METTL4: variants seen among roughly 807,000 people sequenced by gnomAD.
The protein encoded by METTL4 is methyltransferase 4, N6-adenosine.
A neutral mutation model predicts 54.0 loss-of-function variants in METTL4; 40 were observed. That is an observed-to-expected ratio of 0.74 (90% CI 0.58 to 0.96). The LOEUF (loss-of-function observed/expected upper bound fraction) is 0.96. METTL4 is among the 50% of genes least tolerant of loss of function. METTL4 has a pLI of 0.00. For synonymous variants in METTL4, 169 were observed against 183.8 expected, an observed-to-expected ratio of 0.92 and a Z score of 0.65; for missense variants, 525 against 549.0, an observed-to-expected ratio of 0.96 and a Z score of 0.44.
In METTL4 at chr18:2,554,858, T is replaced by C. The variant is rs749376619; in HGVS notation, c.640A>G (p.Met214Val). Reference protein sequence around the residue: ...MAKHLPSLNEMEHQTLQLVEE... With the variant: ...MAKHLPSLNEVEHQTLQLVEE... ...ACCAATTGTAATGTCTGATGTTCCA[T>C]TTCATTCAGAGAAGGCAAATGCTTT... Residue 214 changes from methionine (M) to valine (V), a missense_variant, in exon 4 of 9, where the codon ATG (methionine) becomes GTG (valine). By Grantham distance (21) the Met-to-Val change is conservative (BLOSUM62 1). Coordinates refer to ENST00000574538, the MANE Select transcript of METTL4 (RefSeq NM_022840.5). 2.5e-6 allele frequency: 4 copies of C among 1,613,842 alleles called. No individual in the cohort carries two copies. The highest frequency in any genetic ancestry group is 1.7e-5 in the Admixed American group (1 of 59,996).
intron 6 of METTL4, among the ~76,000 whole-genome samples, chr18:2,545,076 G>A (rs1355738045): frequency 6.6e-6 from 1 of 152,046 alleles, no homozygotes; most frequent in Non-Finnish European, 1.5e-5. Context: ...AATCCAAAGT[G>A]TATTTTATAC....
At chr18:2,542,767 T>A (rs1221998449) in intron 8 of METTL4, among the ~76,000 whole-genome samples, 1 of 152,176 alleles carries the variant, frequency 6.6e-6, no homozygotes, top group Non-Finnish European at 1.5e-5. Context: ...CTGAGAATCC[T>A]TCTTAGTCAA....
Position 2,554,958 on chromosome 18 carries a change from T to A in METTL4, c.540A>T (p.Glu180Asp). 1 of 1,614,106 alleles carries A rather than the reference T, an allele frequency of 6.2e-7. No individual in the cohort carries two copies. The highest frequency in any genetic ancestry group is 8.5e-7 in the Non-Finnish European group (1 of 1,179,950). ...LKSGFLYPLFEKQDKGSKPIT... is the reference protein window; with the variant it reads ...LKSGFLYPLFDKQDKGSKPIT... ...TGGGCTTACTACCCTTGTCCTGTTT[T>A]TCAAAAAGTGGATAAAGAAAACCAC... Residue 180 changes from glutamate (E) to aspartate (D), a missense_variant, in exon 4 of 9, where the codon GAA (glutamate) becomes GAT (aspartate). Glu to Asp is a conservative substitution (Grantham distance 45). Coordinates refer to ENST00000574538, the MANE Select transcript of METTL4 (RefSeq NM_022840.5).
At position 2,544,253 on chromosome 18, in the gene METTL4, G is replaced by A. The variant is rs771656158; in HGVS notation, c.1215C>T (p.Asp405=). 6.2e-7 allele frequency: 1 copy of A among 1,613,336 alleles called. No individual in the cohort carries two copies. The highest frequency in any genetic ancestry group is 1.7e-5 in the Admixed American group (1 of 59,842). ...NADVNVLPIP[D]HKLIVSVPCT... The stretch of plus-strand genomic sequence containing the variant: ...AGGGCACGCTGACAATTAATTTGTG[G>A]TCTGGAATGGGGAGCACGTTTACAT... The change falls in exon 8 of 9, where the codon GAC becomes GAT. Residue 405 remains aspartate, a synonymous_variant. Transcript: ENST00000574538.
chr18:2,560,359 T>C lies in METTL4; in HGVS notation c.459+3438A>G, dbSNP rs1012808678. Among the ~76,000 whole-genome samples the C allele has an allele frequency of 5.3e-5, 8 of 152,262 alleles. 1 individual carries two copies. Among genetic ancestry groups the C allele is most frequent in the Middle Eastern group, 3.4e-3 (1 of 294 alleles). ...AAAGTGGGGGTTCTATCAAACTTTA[T>C]CAAACTTTTAAAGAACAAATTATCC... On this transcript the variant is annotated intron_variant, in intron 3 of 8. Coordinates refer to ENST00000574538, the MANE Select transcript of METTL4 (RefSeq NM_022840.5).
chr18:2,566,772 C>T, intron 2 of METTL4, 49 bp downstream of exon 2: 1 of 1,387,262 alleles, frequency 7.2e-7, no homozygotes, highest in Non-Finnish European at 9.6e-7. Flanking sequence ...GATAATAAAT[C>T]TCAATTATGT....
intron 8 of METTL4, chr18:2,540,145 A>G (rs1033701007): frequency 2.0e-6 from 2 of 985,026 alleles, no homozygotes; most frequent in African/African-American, 3.5e-5. Context: ...TAGGCTAAAG[A>G]GCTGTTGTCT....
At chr18:2,552,879 C>T (rs1043849811) in intron 4 of METTL4, 115 bp from the exon 5 acceptor site, 4 of 657,146 alleles carry the variant, frequency 6.1e-6, no homozygotes, top group African/African-American at 3.6e-5. Context: ...TAATGGAATG[C>T]ACCAAAGGGA....
chr18:2,561,196 C>T (rs181813219), intron 3 of METTL4: 2 of 152,218 alleles, frequency 1.3e-5, no homozygotes, highest in Admixed American at 1.3e-4. Flanking sequence ...TTATTATGCA[C>T]ACAAATATTC....
chr18:2,566,159 G>A (rs1246624894), intron 2 of METTL4, among the ~76,000 whole-genome samples: 2 of 151,720 alleles, frequency 1.3e-5, no homozygotes, highest in Non-Finnish European at 2.9e-5. Context: ...AATGGACTTT[G>A]TAAAATCACC....
chr18:2,551,120 C>T lies in METTL4; in HGVS notation c.899+1575G>A, dbSNP rs1428336978. 9.9e-5 allele frequency among the ~76,000 whole-genome samples: 14 copies of T among 141,862 alleles called. No homozygotes were observed. In the East Asian group the frequency reaches 2.1e-3, roughly 21 times the overall value. The allele number at this position is 141,862 out of a possible 152,430, so 93.1% of individuals were successfully genotyped here. On this transcript the variant is annotated intron_variant, in intron 5 of 8. Transcript: ENST00000574538. ...CGGAGCTTGCAGTGAGCCGAGATCG[C>T]GCCACTGCACTCCAGCCTGGGCGAC...
rs372423508 is a variant in METTL4, at chr18:2,568,522, C to T, written c.-438-868G>A. ...ATCGCAGCACTTTGGGAGGCCGAGGCGGGCAGATCCCCTGAGGTCGGGAGT... is the reference window on the plus strand; with the variant it reads ...ATCGCAGCACTTTGGGAGGCCGAGGTGGGCAGATCCCCTGAGGTCGGGAGT... On this transcript the variant is annotated intron_variant, in intron 1 of 8. Coordinates refer to ENST00000574538, the MANE Select transcript of METTL4 (RefSeq NM_022840.5). The T allele has an allele frequency of 1.6e-3, 246 of 152,308 alleles. 2 individuals carry two copies. The highest frequency in any genetic ancestry group is 0.015 in the South Asian group (71 of 4,816). 9.4% of individuals were successfully genotyped at this position (152,308 alleles called of 1,614,324 possible).
Position 2,567,213 on chromosome 18 carries a change from A to G in METTL4, c.4T>C (p.Ser2Pro). 6.3e-7 allele frequency: 1 copy of G among 1,578,274 alleles called. No homozygotes were observed. The highest frequency in any genetic ancestry group is 8.6e-7 in the Non-Finnish European group (1 of 1,162,540). Residue 2 changes from serine to proline, a missense_variant, in exon 2 of 9, where the codon TCT (serine) becomes CCT (proline). By Grantham distance (74) the Ser-to-Pro change is moderately conservative. Transcript: ENST00000574538. ...CCAGCTGACAACTGGTGTACCACAG[A>G]CATTCCCTTCCTTTAAAAAAGCCTC... M[S>P]VVHQLSAGWL... is the part of the protein sequence containing the mutation.
intron 5 of METTL4, among the ~76,000 whole-genome samples, chr18:2,548,282 C>T (rs900814764): frequency 2.6e-5 from 4 of 152,078 alleles, no homozygotes; most frequent in Non-Finnish European, 4.4e-5. Flanking sequence ...TGAATATGGC[C>T]CCTTCTCCAA....
chr18:2,561,278 A>G lies in METTL4; in HGVS notation c.459+2519T>C, dbSNP rs562982224. 1.4e-4 allele frequency: 22 copies of G among 152,348 alleles called. 1 individual carries two copies. In the South Asian group the frequency reaches 2.9e-3, roughly 20 times the overall value. 9.4% of individuals were successfully genotyped at this position (152,348 alleles called of 1,614,324 possible). A position where few individuals can be genotyped will look rare whatever the true frequency, so the allele number is the denominator to read the frequency against. ...TCAGAAACATGATAATTGGAAAGGT[A>G]TAAGTAAAATTACTACTATTTGAAA... is the stretch of plus-strand genomic sequence containing the variant. On this transcript the variant is annotated intron_variant, in intron 3 of 8. Transcript: ENST00000574538.
Position 2,539,085 on chromosome 18 carries a change from A to G in METTL4, c.1334T>C (p.Leu445Ser). 6.2e-7 allele frequency: 1 copy of G among 1,614,022 alleles called. No homozygotes were observed. The highest frequency in any genetic ancestry group is 8.5e-7 in the Non-Finnish European group (1 of 1,179,900). ...GCCCCAACTAGTCCAACCTGGCTGT[A>G]AATTTCGAGCAAACAACTCCAAATA... ...GEYLELFARN[L>S]QPGWTSWGNE... Residue 445 changes from leucine (L) to serine (S), a missense_variant, in exon 9 of 9, where the codon TTA (leucine) becomes TCA (serine). By Grantham distance (145) the Leu-to-Ser change is moderately radical. Transcript: ENST00000574538.
At chr18:2,543,867 C>T (rs1186807639) in intron 8 of METTL4, among the ~76,000 whole-genome samples, 1 of 152,146 alleles carries the variant, frequency 6.6e-6, no homozygotes, top group African/African-American at 2.4e-5. Flanking sequence ...GATACAGCCC[C>T]GGTAGTAAAA....
intron 5 of METTL4, among the ~76,000 whole-genome samples, chr18:2,549,444 A>G (rs1268528359): frequency 2.0e-5 from 3 of 152,210 alleles, no homozygotes; most frequent in African/African-American, 7.2e-5. Context: ...AGAAGAGGAC[A>G]GAGAATACAG....
chr18:2,544,525 T>A (rs754282863), intron 7 of METTL4, 128 bp downstream of exon 7: 8 of 679,458 alleles, frequency 1.2e-5, no homozygotes, highest in Non-Finnish European at 2.0e-5. Flanking sequence ...CCATCCATTC[T>A]TTTCTACACT....
Sources: gnomAD v4.1 joint callset for allele counts (sites outside exome capture counted in the v4.1 genomes callset) on GRCh38, gnomAD v4.1.1 for gene constraint, MANE v1.5 for transcripts, NCBI Gene and HGNC (gene_info 2026-07-23, HGNC 2026-07-21) for gene names.